Variants in GRB14 observed in about 807,000 individuals in gnomAD.
GRB14 encodes the protein growth factor receptor bound protein 14.
In GRB14, 38 loss-of-function variants were observed where a neutral mutation model predicts 69.1. The ratio of observed to expected loss-of-function variants is 0.55; its 90% CI spans 0.42 to 0.72. GRB14 has a LOEUF of 0.72. GRB14 is among the 30% of genes least tolerant of loss of function. The probability of loss-of-function intolerance (pLI) is 0.00; values close to 1 mark genes in which losing one functional copy is unlikely to be tolerated. For missense variants in GRB14, 666 were observed against 666.1 expected, an observed-to-expected ratio of 1.00 and a Z score of 0.00; for synonymous variants, 247 against 241.3, an observed-to-expected ratio of 1.02 and a Z score of -0.22.
chr2:164,615,378 A>C (rs1222606254), intron 2 of GRB14, among the ~76,000 whole-genome samples: 2 of 152,232 alleles, frequency 1.3e-5, no homozygotes, highest in African/African-American at 4.8e-5. Flanking sequence ...GGAAGAAATA[A>C]AAAGAGGAAT....
chr2:164,580,628 C>G (rs113793368), intron 2 of GRB14, among the ~76,000 whole-genome samples: 1 of 151,512 alleles, frequency 6.6e-6, no homozygotes, highest in Non-Finnish European at 1.5e-5. Flanking sequence ...CGCTTGAACC[C>G]GAGAGGTGGA....
chr2:164,610,059 G>A (rs73971066), intron 2 of GRB14, among the ~76,000 whole-genome samples: 4,841 of 152,250 alleles, frequency 0.032, 268 homozygotes, highest in African/African-American at 0.11. Flanking sequence ...GAGCTTACTG[G>A]GAGCACAGGT....
chr2:164,502,492 C>T (rs1687082201), intron 8 of GRB14, among the ~76,000 whole-genome samples, 157 bp from the exon 9 acceptor site: 1 of 152,018 alleles, frequency 6.6e-6, no homozygotes, highest in African/African-American at 2.4e-5. Context: ...TTTTAGTGCC[C>T]TGCAACAATA....
chr2:164,584,113 G>T (rs1689478496), intron 2 of GRB14, among the ~76,000 whole-genome samples: 1 of 143,144 alleles, frequency 7.0e-6, no homozygotes. Context: ...AGTCTTCCAA[G>T]CTGGGACTAT....
intron 2 of GRB14, among the ~76,000 whole-genome samples, chr2:164,599,504 C>T (rs1411743349): frequency 6.6e-6 from 1 of 152,158 alleles, no homozygotes; most frequent in East Asian, 1.9e-4. Flanking sequence ...GAATAAGGAA[C>T]AGTCGCTACC....
At chr2:164,527,543 G>A (rs1687814161) in intron 3 of GRB14, among the ~76,000 whole-genome samples, 1 of 151,616 alleles carries the variant, frequency 6.6e-6, no homozygotes, top group Non-Finnish European at 1.5e-5. Flanking sequence ...TTATTTCAAG[G>A]TTGGACAATT....
Position 164,621,097 on chromosome 2 carries a change from C to A in GRB14, c.191+22G>T. On this transcript the variant is annotated intron_variant, in intron 1 of 13. Transcript: ENST00000263915. This position sits in a 1 kb window ranked among gnomAD's most constrained non-coding sequence, Gnocchi z 6.0. Reference sequence around the variant, plus strand: ...CGGCTGCCCAGCCAGGACACTCCCCCGCGCCCTCCAGGGTTGCCTACCTGT... The same window carrying A: ...CGGCTGCCCAGCCAGGACACTCCCCAGCGCCCTCCAGGGTTGCCTACCTGT... 1 of 1,245,904 alleles carries A rather than the reference C, an allele frequency of 8.0e-7. No individual in the cohort carries two copies. 77.2% of individuals were successfully genotyped at this position (1,245,904 alleles called of 1,614,324 possible). A position where few individuals can be genotyped will look rare whatever the true frequency, so the allele number is the denominator to read the frequency against.
At position 164,532,453 on chromosome 2, in the gene GRB14, C is replaced by A. The variant is rs548515320; in HGVS notation, c.482-5318G>T. On this transcript the variant is annotated intron_variant, in intron 3 of 13. Transcript: ENST00000263915. ...TAATCTCTAGAACCTGTAAATGTTG[C>A]CTTATGTGGTAAAGCCTCTGCAGAT... Among the ~76,000 whole-genome samples the A allele has an allele frequency of 2.6e-5, 4 of 152,154 alleles. No homozygotes were observed. In the East Asian group the frequency reaches 7.7e-4, roughly 29 times the overall value.
intron 3 of GRB14, among the ~76,000 whole-genome samples, chr2:164,529,237 T>C (rs995364635): frequency 6.6e-6 from 1 of 152,104 alleles, no homozygotes. Flanking sequence ...AGTAGAATGG[T>C]GGCTGCCAGG....
intron 3 of GRB14, among the ~76,000 whole-genome samples, chr2:164,537,670 AGCC>A (rs1433096422): frequency 6.6e-6 from 1 of 152,220 alleles, no homozygotes; most frequent in African/African-American, 2.4e-5. Flanking sequence ...GAATTCATGT[AGCC>A]GAGGCTATAA....
chr2:164,520,502 T>C (rs561699354), intron 6 of GRB14, among the ~76,000 whole-genome samples: 45 of 151,868 alleles, frequency 3.0e-4, no homozygotes, highest in African/African-American at 1.1e-3. Flanking sequence ...TAAAGATAAA[T>C]AGATAGGACT....
At chr2:164,600,437 C>T (rs1424871120) in intron 2 of GRB14, among the ~76,000 whole-genome samples, 2 of 152,118 alleles carry the variant, frequency 1.3e-5, no homozygotes, top group African/African-American at 2.4e-5. Context: ...TATTGATTGA[C>T]CACTCCTTCT....
At chr2:164,523,088 G>C (rs898185437) in intron 5 of GRB14, among the ~76,000 whole-genome samples, 8 of 152,034 alleles carry the variant, frequency 5.3e-5, no homozygotes, top group Admixed American at 1.3e-4. Context: ...ACAGGGGAGA[G>C]AGACAGAGAC....
At chr2:164,522,905 G>A (rs1687670467) in intron 5 of GRB14, among the ~76,000 whole-genome samples, 1 of 152,078 alleles carries the variant, frequency 6.6e-6, no homozygotes, top group Non-Finnish European at 1.5e-5. Context: ...AATTCTAGGT[G>A]TGGCCCTTAA....
chr2:164,514,810 T>C (rs1368707092), intron 6 of GRB14, among the ~76,000 whole-genome samples: 1 of 152,170 alleles, frequency 6.6e-6, no homozygotes, highest in Non-Finnish European at 1.5e-5. Flanking sequence ...GCTGGTTGCC[T>C]GAGGCAAGTT....
rs370105204 is a variant in GRB14 at position 164,515,560 on chromosome 2, C to T, written c.816+6420G>A. Among the ~76,000 whole-genome samples, 142 of 152,240 alleles carry T rather than the reference C, an allele frequency of 9.3e-4. 3 individuals are homozygous for T. The South Asian group carries it at 0.028, about 30-fold the overall frequency. ...ACCCTGTGGGACAAAAGAATCTGAA[C>T]GGCAGCCCTTCAGCCACAAATCTTC... On this transcript the variant is annotated intron_variant, in intron 6 of 13. Coordinates refer to ENST00000263915, the MANE Select transcript of GRB14 (RefSeq NM_004490.3).
chr2:164,580,540 A>G (rs969456114), intron 2 of GRB14, among the ~76,000 whole-genome samples: 1 of 151,942 alleles, frequency 6.6e-6, no homozygotes, highest in African/African-American at 2.4e-5. Context: ...TCCCATTTCT[A>G]CTAAAAATAC....
chr2:164,505,724 TACAA>T (rs1290888573), intron 8 of GRB14, among the ~76,000 whole-genome samples: 6 of 152,202 alleles, frequency 3.9e-5, no homozygotes, highest in Non-Finnish European at 8.8e-5. Flanking sequence ...TCTGAGTGTA[TACAA>T]ACAAAAGTGA....
intron 2 of GRB14, among the ~76,000 whole-genome samples, chr2:164,602,065 A>G (rs187678073): frequency 3.8e-4 from 57 of 151,868 alleles, no homozygotes; most frequent in African/African-American, 1.2e-3. Flanking sequence ...AATATTATCC[A>G]TAGTATAGGC....
Sources: gnomAD v4.1 joint callset for allele counts (sites outside exome capture counted in the v4.1 genomes callset) on GRCh38, gnomAD v4.1.1 for gene constraint, Gnocchi (gnomAD v3.1) non-coding constraint, MANE v1.5 for transcripts, NCBI Gene and HGNC (gene_info 2026-07-23, HGNC 2026-07-21) for gene names.